Variants in NFIB observed in about 807,000 individuals in gnomAD.
NFIB encodes nuclear factor 1 B-type.
A neutral mutation model predicts 61.5 loss-of-function variants in NFIB; 11 were observed. The observed-to-expected ratio is 0.18, with a 90% CI of 0.11 to 0.30. NFIB has a LOEUF of 0.30. Among genes scored for constraint, NFIB ranks in the 10% least tolerant of loss-of-function variants. The pLI is 1.00. For missense variants in NFIB, 471 were observed against 608.9 expected (o/e 0.77, Z 2.38); for synonymous variants, 260 against 216.5 (o/e 1.20, Z -1.76).
At chr9:14,385,059 T>G (rs1248108257) in intron 1 of NFIB, among the ~76,000 whole-genome samples, 1 of 152,250 alleles carries the variant, frequency 6.6e-6, no homozygotes, top group Admixed American at 6.5e-5. Flanking sequence ...CCAACTTAGC[T>G]AAAGTTCTTG....
chr9:14,524,862 G>C, the NFIB span, among the ~76,000 whole-genome samples: 1 of 152,152 alleles, frequency 6.6e-6, no homozygotes, highest in African/African-American at 2.4e-5. Context: ...AATATCACCA[G>C]ATAATAATAT....
chr9:14,359,604 C>A (rs1476062629), intron 1 of NFIB, among the ~76,000 whole-genome samples: 1 of 152,144 alleles, frequency 6.6e-6, no homozygotes, highest in Non-Finnish European at 1.5e-5. Context: ...TTTTAAGCCA[C>A]CAGTTTTTGG....
intron 2 of NFIB, among the ~76,000 whole-genome samples, chr9:14,266,876 G>A (rs768751773): frequency 7.2e-5 from 11 of 152,068 alleles, no homozygotes; most frequent in Non-Finnish European, 1.2e-4. Flanking sequence ...TACAAATAAT[G>A]ACTTAATACT....
At chr9:14,320,895 T>C (rs1474221851) in intron 1 of NFIB, among the ~76,000 whole-genome samples, 1 of 152,156 alleles carries the variant, frequency 6.6e-6, no homozygotes, top group Non-Finnish European at 1.5e-5. Flanking sequence ...AGAGTTAATC[T>C]TGTGTATTTT....
chr9:14,285,805 A>T (rs773171903), intron 2 of NFIB, among the ~76,000 whole-genome samples: 2 of 152,122 alleles, frequency 1.3e-5, no homozygotes, highest in African/African-American at 4.8e-5. Flanking sequence ...AGAAAATCCT[A>T]CCCACCTTAA....
At chr9:14,435,556 A>T in the NFIB span, among the ~76,000 whole-genome samples, 1 of 152,236 alleles carries the variant, frequency 6.6e-6, no homozygotes, top group Non-Finnish European at 1.5e-5. Flanking sequence ...GTACATGTCA[A>T]CCTAAAATAG....
At chr9:14,218,402 T>C (rs753079954) in intron 2 of NFIB, among the ~76,000 whole-genome samples, 1 of 152,120 alleles carries the variant, frequency 6.6e-6, no homozygotes, top group Non-Finnish European at 1.5e-5. Context: ...AAAACCCAGA[T>C]TCCACCCACT....
At chr9:14,169,614 A>T (rs1156473559) in intron 3 of NFIB, among the ~76,000 whole-genome samples, 1 of 152,176 alleles carries the variant, frequency 6.6e-6, no homozygotes, top group African/African-American at 2.4e-5. Context: ...TGAGGTCAGG[A>T]GTTCAAGACC....
chr9:14,143,800 C>G (rs2041999691), intron 6 of NFIB, among the ~76,000 whole-genome samples: 1 of 152,076 alleles, frequency 6.6e-6, no homozygotes, highest in Admixed American at 6.6e-5. Context: ...CAAGAACAAC[C>G]ATTGGGCATT....
At chr9:14,276,080 G>A (rs1237014260) in intron 2 of NFIB, among the ~76,000 whole-genome samples, 1 of 152,076 alleles carries the variant, frequency 6.6e-6, no homozygotes, top group Non-Finnish European at 1.5e-5. Context: ...TACTGCAGGG[G>A]TTTTTTGTTT....
intron 1 of NFIB, among the ~76,000 whole-genome samples, chr9:14,339,140 C>A (rs1460971411): frequency 6.6e-6 from 1 of 152,134 alleles, no homozygotes; most frequent in Non-Finnish European, 1.5e-5. Context: ...TAGCAAGTAT[C>A]CTGTCAGAAA....
At chr9:14,358,502 T>C (rs920194161) in intron 1 of NFIB, among the ~76,000 whole-genome samples, 12 of 152,176 alleles carry the variant, frequency 7.9e-5, no homozygotes, top group African/African-American at 2.9e-4. Context: ...TTGTAATTCT[T>C]GGAAACTTTG....
chr9:14,523,529 T>C, the NFIB span, among the ~76,000 whole-genome samples: 1 of 152,074 alleles, frequency 6.6e-6, no homozygotes, highest in Non-Finnish European at 1.5e-5. Flanking sequence ...GACATCGCCA[T>C]AAATGTAAGA....
chr9:14,520,855 G>C, the NFIB span, among the ~76,000 whole-genome samples: 1 of 152,212 alleles, frequency 6.6e-6, no homozygotes, highest in Non-Finnish European at 1.5e-5. Context: ...ATGTATAAAT[G>C]ATGGAAGGCC....
intron 1 of NFIB, among the ~76,000 whole-genome samples, chr9:14,328,487 A>G (rs2060781654): frequency 6.6e-6 from 1 of 151,926 alleles, no homozygotes; most frequent in African/African-American, 2.4e-5. Flanking sequence ...TTTAACCATT[A>G]TCTTTAATTT....
the NFIB span, among the ~76,000 whole-genome samples, chr9:14,525,646 G>C: frequency 6.6e-6 from 1 of 152,098 alleles, no homozygotes; most frequent in African/African-American, 2.4e-5. Flanking sequence ...TTAGCCATTG[G>C]ATCTTGCTAA....
At chr9:14,365,214 C>T (rs528876039) in intron 1 of NFIB, among the ~76,000 whole-genome samples, 3 of 152,274 alleles carry the variant, frequency 2.0e-5, no homozygotes, top group Non-Finnish European at 4.4e-5. Context: ...ATTTCGAGAC[C>T]ACCGTTTATG....
chr9:14,094,820 C>T (rs564171180), intron 10 of NFIB, among the ~76,000 whole-genome samples: 11 of 152,202 alleles, frequency 7.2e-5, no homozygotes, highest in East Asian at 5.8e-4. Flanking sequence ...TGGGGACCAA[C>T]GGTTTTGAAA....
At chr9:14,323,993 A>G (rs1248551901) in intron 1 of NFIB, among the ~76,000 whole-genome samples, 4 of 152,238 alleles carry the variant, frequency 2.6e-5, no homozygotes, top group African/African-American at 9.6e-5. Context: ...CAAGTTTAAC[A>G]GTTCCCAATT....
Sources: gnomAD v4.1 joint callset for allele counts (sites outside exome capture counted in the v4.1 genomes callset) on GRCh38, gnomAD v4.1.1 for gene constraint, MANE v1.5 for transcripts, NCBI Gene and HGNC (gene_info 2026-07-23, HGNC 2026-07-21) for gene names.